The following HMGA2 variants were observed in gnomAD, a reference collection of about 807,000 sequenced individuals.
HMGA2 encodes high mobility group AT-hook 2.
In HMGA2, 8 loss-of-function variants were observed where a neutral mutation model predicts 19.1. The observed-to-expected ratio is 0.42, with a 90% CI of 0.25 to 0.76. The LOEUF (loss-of-function observed/expected upper bound fraction) is 0.76, where lower values mean the gene tolerates loss of function less well. Among genes scored for constraint, HMGA2 ranks in the 30% least tolerant of loss-of-function variants. The pLI is 0.28. For synonymous variants in HMGA2, 60 were observed against 48.8 expected, an observed-to-expected ratio of 1.23 and a Z score of -0.96; for missense variants, 109 against 136.3, an observed-to-expected ratio of 0.80 and a Z score of 1.00.
intron 3 of HMGA2, chr12:65,873,874 A>G (rs1200527284): frequency 6.6e-6 from 1 of 152,234 alleles, no homozygotes; most frequent in Non-Finnish European, 1.5e-5. Context: ...TGGAGGTTTA[A>G]CATATGGTCG....
chr12:65,868,996 C>T (rs570717295), intron 3 of HMGA2, among the ~76,000 whole-genome samples: 27 of 152,266 alleles, frequency 1.8e-4, no homozygotes, highest in Non-Finnish European at 3.5e-4. Context: ...CCATTGATTT[C>T]CTCTACTTAT....
At chr12:65,957,077 C>T (rs1876626012) in intron 4 of HMGA2, 1 of 152,150 alleles carries the variant, frequency 6.6e-6, no homozygotes, top group Non-Finnish European at 1.5e-5. Context: ...TTTTTATAAT[C>T]TTACTCAAAA....
At chr12:65,898,127 C>T (rs1339285600) in intron 3 of HMGA2, among the ~76,000 whole-genome samples, 2 of 152,236 alleles carry the variant, frequency 1.3e-5, no homozygotes, top group Non-Finnish European at 2.9e-5. Context: ...AACTAAATAA[C>T]AAACAGGACA....
chr12:65,879,174 C>T (rs930013909), intron 3 of HMGA2, among the ~76,000 whole-genome samples: 2 of 152,190 alleles, frequency 1.3e-5, no homozygotes, highest in Admixed American at 6.5e-5. Flanking sequence ...GTCGCCCAGG[C>T]GGGAGTGCAG....
At chr12:65,881,473 G>A (rs192309507) in intron 3 of HMGA2, 49 of 526,860 alleles carry the variant, frequency 9.3e-5, no homozygotes, top group Non-Finnish European at 1.6e-4. Flanking sequence ...ACCCTTAAAG[G>A]ATTATGAAGC....
rs576865739 is a variant in HMGA2 at position 65,861,222 on chromosome 12, C to T, written c.249+22653C>T. Among the ~76,000 whole-genome samples the T allele has an allele frequency of 2.0e-3, 305 of 152,120 alleles. 2 individuals carry two copies. Among genetic ancestry groups the T allele is most frequent in the Middle Eastern group, 0.01 (3 of 294 alleles). ...CTCTACTGAAAATACAAAAAATGAGCGGGCATGGTGACACATGCCTGTGGT... is the reference window on the plus strand; with the variant it reads ...CTCTACTGAAAATACAAAAAATGAGTGGGCATGGTGACACATGCCTGTGGT... On this transcript the variant is annotated intron_variant, in intron 3 of 4. Transcript: ENST00000403681.
chr12:65,959,977 C>T (rs1180926472), intron 4 of HMGA2, among the ~76,000 whole-genome samples: 3 of 152,264 alleles, frequency 2.0e-5, no homozygotes, highest in African/African-American at 7.2e-5. Context: ...GCAAGCTCTG[C>T]TTCCTGGGTT....
intron 3 of HMGA2, chr12:65,881,561 G>A: frequency 1.7e-6 from 1 of 593,352 alleles, no homozygotes; most frequent in Non-Finnish European, 3.0e-6. Flanking sequence ...ACCAAGTAAT[G>A]GAAAGATCCA....
chr12:65,875,807 T>A (rs1464288593), intron 3 of HMGA2, among the ~76,000 whole-genome samples: 1 of 151,854 alleles, frequency 6.6e-6, no homozygotes, highest in Non-Finnish European at 1.5e-5. Context: ...TTCTGTGAGT[T>A]TGAACTACCA....
chr12:65,824,830 TTCAC>T lies in HMGA2; in HGVS notation c.-438_-435del. The T allele has an allele frequency of 5.3e-6, 1 of 188,116 alleles. No homozygotes were observed. The highest frequency in any genetic ancestry group is 1.7e-4 in the South Asian group (1 of 5,756). The allele number at this position is 188,116 out of a possible 1,614,324, so 11.7% of individuals were successfully genotyped here. The stretch of plus-strand genomic sequence containing the variant: ...CCGCCTAACATTTCAAGGGACACAA[TTCAC>T]TCCAAGTCTCTTCCCTTTCCAAGCC... On this transcript the variant is annotated 5_prime_UTR_variant, in exon 1 of 5. Transcript: ENST00000403681.
At chr12:65,838,418 T>A in intron 2 of HMGA2, 101 bp from the exon 3 acceptor site, 8 of 808,260 alleles carry the variant, frequency 9.9e-6, no homozygotes, top group Non-Finnish European at 1.4e-5. Context: ...CGATACGTCA[T>A]CTGCAAAGCA....
chr12:65,887,058 A>C (rs1460701988), intron 3 of HMGA2, among the ~76,000 whole-genome samples: 1 of 151,934 alleles, frequency 6.6e-6, no homozygotes, highest in African/African-American at 2.4e-5. Flanking sequence ...CAATTACCTA[A>C]CTCCTATCTA....
chr12:65,886,402 C>T (rs1873657864), intron 3 of HMGA2, among the ~76,000 whole-genome samples: 1 of 150,370 alleles, frequency 6.7e-6, no homozygotes, highest in Admixed American at 6.6e-5. Context: ...CTCTATCGCC[C>T]AGGCTGGAGT....
At chr12:65,913,967 C>T (rs1362993875) in intron 3 of HMGA2, among the ~76,000 whole-genome samples, 2 of 152,180 alleles carry the variant, frequency 1.3e-5, no homozygotes, top group Non-Finnish European at 2.9e-5. Context: ...TGTCTTTATT[C>T]ATCCCCCTGC....
At chr12:65,898,544 A>G (rs1592430674) in intron 3 of HMGA2, among the ~76,000 whole-genome samples, 1 of 152,140 alleles carries the variant, frequency 6.6e-6, no homozygotes, top group African/African-American at 2.4e-5. Flanking sequence ...ATTTTAAAAT[A>G]TCGGTGTTAT....
intron 3 of HMGA2, among the ~76,000 whole-genome samples, chr12:65,840,275 G>A (rs1229340118): frequency 6.6e-6 from 1 of 152,146 alleles, no homozygotes; most frequent in Admixed American, 6.5e-5. Flanking sequence ...GGATTCTTTG[G>A]GTCAAGGATA....
intron 3 of HMGA2, among the ~76,000 whole-genome samples, chr12:65,840,955 T>C (rs972142877): frequency 2.0e-5 from 3 of 152,118 alleles, no homozygotes; most frequent in Non-Finnish European, 4.4e-5. Flanking sequence ...TTCACCTCCA[T>C]AGGTTAGAGT....
At chr12:65,869,888 T>C (rs1592404171) in intron 3 of HMGA2, among the ~76,000 whole-genome samples, 2 of 152,284 alleles carry the variant, frequency 1.3e-5, no homozygotes, top group Admixed American at 1.3e-4. Flanking sequence ...CCCAGGTTTG[T>C]CAGACTCTAA....
chr12:65,905,784 G>A (rs956722833), intron 3 of HMGA2, among the ~76,000 whole-genome samples: 1 of 152,040 alleles, frequency 6.6e-6, no homozygotes, highest in Non-Finnish European at 1.5e-5. Context: ...AAAAGCTGAA[G>A]GAATAAAATA....
Sources: gnomAD v4.1 joint callset for allele counts (sites outside exome capture counted in the v4.1 genomes callset) on GRCh38, gnomAD v4.1.1 for gene constraint, MANE v1.5 for transcripts, NCBI Gene and HGNC (gene_info 2026-07-23, HGNC 2026-07-21) for gene names.